Variants in CD200R1 observed in about 807,000 individuals in gnomAD.
The protein encoded by CD200R1 is CD200 receptor 1, also known as cell surface glycoprotein CD200 receptor 1.
A neutral mutation model predicts 38.1 loss-of-function variants in CD200R1; 30 were observed. That is an observed-to-expected ratio of 0.79 (90% CI 0.59 to 1.07). The LOEUF (loss-of-function observed/expected upper bound fraction) is 1.07, where lower values mean the gene tolerates loss of function less well. Ranked by LOEUF, CD200R1 falls within the 50% of genes least tolerant of loss-of-function variation. The pLI is 0.00. For synonymous variants in CD200R1, 128 were observed against 152.1 expected (o/e 0.84, Z 1.16); for missense variants, 372 against 415.4 (o/e 0.90, Z 0.91).
rs975370114 is a variant in CD200R1, at chr3:112,923,351, AACTGTTCAC to A, written c.*317_*325del. 1 of 183,552 alleles carries A rather than the reference AACTGTTCAC, an allele frequency of 5.4e-6. No homozygotes were observed. The highest frequency in any genetic ancestry group is 2.4e-5 in the African/African-American group (1 of 41,858). The allele number at this position is 183,552 out of a possible 1,614,324, so 11.4% of individuals were successfully genotyped here. On this transcript the variant is annotated 3_prime_UTR_variant, in exon 8 of 8. Transcript: ENST00000308611. ...AAATATTCTGAAAGGATACACAAGA[AACTGTTCAC>A]ACTTGCTCCTTCTTCAGTTATTTCT...
chr3:112,974,228 G>A (rs114561335), intron 1 of CD200R1, among the ~76,000 whole-genome samples: 2,701 of 152,230 alleles, frequency 0.018, 29 homozygotes, highest in South Asian at 0.047. Context: ...TTGAAGACAG[G>A]AGCTCAAGAC....
chr3:112,967,861 C>T (rs1400203299), intron 1 of CD200R1, among the ~76,000 whole-genome samples: 5 of 152,194 alleles, frequency 3.3e-5, no homozygotes, highest in Admixed American at 3.3e-4. Flanking sequence ...GCTCACACCC[C>T]AGAAAGCTGT....
At position 112,923,610 on chromosome 3, in the gene CD200R1, A is replaced by G. The variant is rs1305333060; in HGVS notation, c.*67T>C. 1 of 833,920 alleles carries G rather than the reference A, an allele frequency of 1.2e-6. No homozygotes were observed. The highest frequency in any genetic ancestry group is 2.2e-5 in the Admixed American group (1 of 44,696). 51.7% of individuals were successfully genotyped at this position (833,920 alleles called of 1,614,324 possible). On this transcript the variant is annotated 3_prime_UTR_variant, in exon 8 of 8. Coordinates refer to ENST00000308611, the MANE Select transcript of CD200R1 (RefSeq NM_138806.4). ...TATAAGTCTTCATTCTAGAACTGTA[A>G]GAAAATCAGACAGTAATTATAATGT...
intron 1 of CD200R1, among the ~76,000 whole-genome samples, chr3:112,955,852 C>T (rs1447180653): frequency 1.1e-4 from 17 of 147,938 alleles, no homozygotes; most frequent in African/African-American, 3.2e-4. Context: ...CATAAGGTTT[C>T]GGCTGAGAAG....
chr3:112,922,626 AT>A lies in CD200R1; in HGVS notation c.*1050del, dbSNP rs1422120924. 1 of 152,008 alleles carries A rather than the reference AT, an allele frequency of 6.6e-6. No homozygotes were observed. Among genetic ancestry groups the A allele is most frequent in the Non-Finnish European group, 1.5e-5 (1 of 67,926 alleles). 9.4% of individuals were successfully genotyped at this position (152,008 alleles called of 1,614,324 possible). A position where few individuals can be genotyped will look rare whatever the true frequency, so the allele number is the denominator to read the frequency against. On this transcript the variant is annotated 3_prime_UTR_variant, in exon 8 of 8. Transcript: ENST00000308611. ...GTATCAACACCTCTGTGGAGATATA[AT>A]GAGTTCAGAAGAAGCTAATGTTCTC...
At chr3:112,969,744 A>C (rs1293064825) in intron 1 of CD200R1, among the ~76,000 whole-genome samples, 1 of 152,208 alleles carries the variant, frequency 6.6e-6, no homozygotes, top group African/African-American at 2.4e-5. Context: ...TTGAGATTGC[A>C]GGTAGACTTC....
At chr3:112,937,526 C>T (rs1940613271) in intron 2 of CD200R1, among the ~76,000 whole-genome samples, 1 of 152,144 alleles carries the variant, frequency 6.6e-6, no homozygotes, top group African/African-American at 2.4e-5. Context: ...TTTCTGGGTT[C>T]TCTATTCTGT....
chr3:112,970,824 C>T (rs955089846), intron 1 of CD200R1, among the ~76,000 whole-genome samples: 2 of 152,156 alleles, frequency 1.3e-5, no homozygotes, highest in African/African-American at 2.4e-5. Flanking sequence ...TCTTAATCCT[C>T]AATTTCAGAA....
At chr3:112,962,482 T>A (rs900755175) in intron 1 of CD200R1, among the ~76,000 whole-genome samples, 1 of 152,198 alleles carries the variant, frequency 6.6e-6, no homozygotes, top group African/African-American at 2.4e-5. Context: ...GCTAATTAAA[T>A]GTTATCAAAT....
chr3:112,947,943 A>G lies in CD200R1; in HGVS notation c.68-19T>C, dbSNP rs372722632. On this transcript the variant is annotated intron_variant, in intron 1 of 7. Coordinates refer to ENST00000308611, the MANE Select transcript of CD200R1 (RefSeq NM_138806.4). ...TCCGCTTCTGAATTTTGAAAAAGAC[A>G]TAGGGGGTAGAGAGAGAAATATGCA... is the stretch of plus-strand genomic sequence containing the variant. 1.9e-6 allele frequency: 3 copies of G among 1,544,110 alleles called. No homozygotes were observed. The highest frequency in any genetic ancestry group is 1.1e-5 in the South Asian group (1 of 89,608).
chr3:112,956,323 A>T (rs6770401), intron 1 of CD200R1, among the ~76,000 whole-genome samples: 1,775 of 149,524 alleles, frequency 0.012, 32 homozygotes, highest in African/African-American at 0.042. Context: ...CATTTTTTTC[A>T]TTGTATTTTT....
chr3:112,945,204 T>G (rs1559950750), intron 2 of CD200R1, among the ~76,000 whole-genome samples: 1 of 152,188 alleles, frequency 6.6e-6, no homozygotes, highest in Non-Finnish European at 1.5e-5. Context: ...AGTTATTTTA[T>G]GGACATAAAC....
intron 1 of CD200R1, among the ~76,000 whole-genome samples, chr3:112,955,296 C>T (rs780078185): frequency 1.2e-4 from 19 of 152,108 alleles, no homozygotes; most frequent in Non-Finnish European, 2.2e-4. Context: ...CTGAACTTTT[C>T]GCCTGGATGG....
At position 112,923,731 on chromosome 3, in the gene CD200R1, C is replaced by A. The variant is rs1050395262; in HGVS notation, c.993G>T (p.Val331=). Residue 331 remains valine, a synonymous_variant, in exon 8 of 8, where the codon GTG becomes GTT. Transcript: ENST00000308611. ...NNPLYDTTNK[V]KASEALQSEV... ...CACTTTGTAATGCCTCAGATGCCTT[C>A]ACCTTGTTTGTAGTATCATAGAGAG... 6.2e-7 allele frequency: 1 copy of A among 1,609,226 alleles called. No homozygotes were observed. Among genetic ancestry groups the A allele is most frequent in the Non-Finnish European group, 8.5e-7 (1 of 1,176,894 alleles).
At chr3:112,950,630 A>G (rs1940954590) in intron 1 of CD200R1, among the ~76,000 whole-genome samples, 1 of 152,200 alleles carries the variant, frequency 6.6e-6, no homozygotes. Flanking sequence ...CATTCTTTGC[A>G]AGTGCACATC....
chr3:112,937,659 G>T (rs1056396672), intron 2 of CD200R1, among the ~76,000 whole-genome samples: 2 of 151,974 alleles, frequency 1.3e-5, no homozygotes, highest in East Asian at 3.9e-4. Flanking sequence ...GCTGAGAATT[G>T]CCTTTGCTAT....
intron 1 of CD200R1, among the ~76,000 whole-genome samples, chr3:112,971,750 C>T (rs1161302228): frequency 6.6e-6 from 1 of 152,130 alleles, no homozygotes; most frequent in East Asian, 1.9e-4. Context: ...AAAATCCAGC[C>T]TTATTTCCTA....
chr3:112,942,992 T>C (rs891939134), intron 2 of CD200R1, among the ~76,000 whole-genome samples: 4 of 151,650 alleles, frequency 2.6e-5, no homozygotes, highest in African/African-American at 4.8e-5. Context: ...CAAAAACTGA[T>C]AGAACAGCAA....
intron 2 of CD200R1, among the ~76,000 whole-genome samples, chr3:112,944,096 C>A (rs1434215684): frequency 1.3e-5 from 2 of 151,860 alleles, no homozygotes; most frequent in African/African-American, 4.8e-5. Context: ...TCTCCTTAAT[C>A]TCTTTCAGAA....
Sources: allele counts gnomAD v4.1 joint callset (sites outside exome capture counted in the v4.1 genomes callset), GRCh38; gene constraint gnomAD v4.1.1; transcripts MANE v1.5; gene names NCBI Gene and HGNC (gene_info 2026-07-23, HGNC 2026-07-21).